The following SHISA6 variants were observed in gnomAD, a reference collection of about 807,000 sequenced individuals.
SHISA6 encodes the protein shisa family member 6.
In SHISA6, 22 loss-of-function variants were observed where a neutral mutation model predicts 47.9. The observed-to-expected ratio is 0.46, with a 90% CI of 0.33 to 0.66. The LOEUF (loss-of-function observed/expected upper bound fraction) is 0.66, where lower values mean the gene tolerates loss of function less well. Among genes scored for constraint, SHISA6 ranks in the 30% least tolerant of loss-of-function variants. The probability of loss-of-function intolerance (pLI) is 0.02; values close to 1 mark genes in which losing one functional copy is unlikely to be tolerated. For synonymous variants in SHISA6, 388 were observed against 337.8 expected (o/e 1.15, Z -1.63); for missense variants, 680 against 764.6 (o/e 0.89, Z 1.30).
chr17:11,298,914 G>T (rs1198858158), intron 2 of SHISA6, among the ~76,000 whole-genome samples: 1 of 152,192 alleles, frequency 6.6e-6, no homozygotes. Flanking sequence ...TGATGTTAGA[G>T]GTAGATTTGT....
chr17:11,363,256 A>G (rs981270642), intron 2 of SHISA6, among the ~76,000 whole-genome samples: 2 of 150,580 alleles, frequency 1.3e-5, no homozygotes, highest in Non-Finnish European at 3.0e-5. Context: ...TATGGGGTCA[A>G]CTCTCCTGGT....
chr17:11,472,653 G>A (rs1275596946), intron 3 of SHISA6, among the ~76,000 whole-genome samples: 1 of 152,200 alleles, frequency 6.6e-6, no homozygotes, highest in East Asian at 1.9e-4. Flanking sequence ...GTTTCTTTGT[G>A]TGGAAATAAG....
At chr17:11,449,429 C>T (rs949204750) in intron 3 of SHISA6, among the ~76,000 whole-genome samples, 1 of 150,256 alleles carries the variant, frequency 6.7e-6, no homozygotes, top group Non-Finnish European at 1.5e-5. Context: ...GGTGACAGAG[C>T]GAGACTCCAT....
At position 11,563,977 on chromosome 17, in the gene SHISA6, C is replaced by G. The variant is rs1259927436; in HGVS notation, c.*5673C>G. On this transcript the variant is annotated 3_prime_UTR_variant, in exon 6 of 6. Transcript: ENST00000441885. ...TCTACATGTACTGTAAACAGATACA[C>G]TTTAGTAAGATTTAGTCTTAAGGAT... is the stretch of plus-strand genomic sequence containing the variant. 6.6e-6 allele frequency: 1 copy of G among 152,180 alleles called. No individual in the cohort carries two copies. The highest frequency in any genetic ancestry group is 1.5e-5 in the Non-Finnish European group (1 of 68,042). The allele number at this position is 152,180 out of a possible 1,614,324, so 9.4% of individuals were successfully genotyped here. A position where few individuals can be genotyped will look rare whatever the true frequency, so the allele number is the denominator to read the frequency against.
chr17:11,495,993 T>TCATC (rs10642001), intron 3 of SHISA6, among the ~76,000 whole-genome samples: 54,308 of 148,704 alleles, frequency 0.37, 10,006 homozygotes, highest in East Asian at 0.59. Context: ...ATTTATCCAT[T>TCATC]CATCCATCCA....
At chr17:11,534,750 A>G (rs1158772239) in intron 3 of SHISA6, among the ~76,000 whole-genome samples, 1 of 152,220 alleles carries the variant, frequency 6.6e-6, no homozygotes, top group Non-Finnish European at 1.5e-5. Flanking sequence ...CCAGGGAGAC[A>G]GAAACAAGAT....
chr17:11,316,787 T>G (rs1910540793), intron 2 of SHISA6, among the ~76,000 whole-genome samples: 1 of 152,248 alleles, frequency 6.6e-6, no homozygotes, highest in South Asian at 2.1e-4. Context: ...TTTAAGTTGA[T>G]AACTTTTCCT....
At chr17:11,523,445 T>C (rs1268023752) in intron 3 of SHISA6, among the ~76,000 whole-genome samples, 3 of 152,054 alleles carry the variant, frequency 2.0e-5, no homozygotes, top group Non-Finnish European at 4.4e-5. Context: ...GCCAGGGAGA[T>C]AGATATGCCT....
intron 2 of SHISA6, among the ~76,000 whole-genome samples, chr17:11,332,321 T>G (rs1404548957): frequency 6.6e-6 from 1 of 152,172 alleles, no homozygotes; most frequent in African/African-American, 2.4e-5. Flanking sequence ...TTTCTGGTTT[T>G]ATAGCAGCTC....
chr17:11,355,596 A>T (rs1912054004), intron 2 of SHISA6, among the ~76,000 whole-genome samples: 1 of 152,196 alleles, frequency 6.6e-6, no homozygotes, highest in South Asian at 2.1e-4. Flanking sequence ...GCAGAACAAA[A>T]CAACTGCCAA....
chr17:11,331,838 G>A (rs1322679022), intron 2 of SHISA6, among the ~76,000 whole-genome samples: 1 of 151,700 alleles, frequency 6.6e-6, no homozygotes, highest in Non-Finnish European at 1.5e-5. Context: ...CTCTAGTCTT[G>A]CTGTCACCTC....
chr17:11,362,597 C>T (rs1912324069), intron 2 of SHISA6, among the ~76,000 whole-genome samples: 1 of 152,196 alleles, frequency 6.6e-6, no homozygotes, highest in African/African-American at 2.4e-5. Context: ...TGCTGAAATC[C>T]TTGCTGCTTA....
chr17:11,278,933 C>T (rs1909026467), intron 2 of SHISA6, among the ~76,000 whole-genome samples: 1 of 152,162 alleles, frequency 6.6e-6, no homozygotes, highest in African/African-American at 2.4e-5. Context: ...GGCAGAGACA[C>T]TGCCAGCCAA....
rs1913569118 is a variant in SHISA6 at position 11,396,233 on chromosome 17, TC to T, written c.895+16727del. On this transcript the variant is annotated intron_variant, in intron 3 of 5. Coordinates refer to ENST00000441885, the MANE Select transcript of SHISA6 (RefSeq NM_207386.4). ...CCTAATCTTGCAGTCTTGGAATAAA[TC>T]CCATGTTGTTTTATTTTCTTAATAT... Among the ~76,000 whole-genome samples, 8 of 152,316 alleles carry T rather than the reference TC, an allele frequency of 5.3e-5. 1 individual carries two copies. The South Asian group carries it at 1.7e-3, about 32-fold the overall frequency.
chr17:11,488,148 T>C (rs1404858914), intron 3 of SHISA6, among the ~76,000 whole-genome samples: 2 of 151,950 alleles, frequency 1.3e-5, no homozygotes, highest in African/African-American at 4.8e-5. Flanking sequence ...AGCCCTCAGC[T>C]GTCGGGACAA....
At chr17:11,297,823 T>C (rs935803711) in intron 2 of SHISA6, among the ~76,000 whole-genome samples, 1 of 152,188 alleles carries the variant, frequency 6.6e-6, no homozygotes, top group African/African-American at 2.4e-5. Context: ...GGGGAGATAT[T>C]GCCCTTCAGC....
chr17:11,350,153 G>A (rs1399057759), intron 2 of SHISA6, among the ~76,000 whole-genome samples: 2 of 136,760 alleles, frequency 1.5e-5, no homozygotes, highest in Non-Finnish European at 3.2e-5. Context: ...CGCCATGCCC[G>A]GCTAATTTAT....
At chr17:11,468,611 C>G (rs2142319680) in intron 3 of SHISA6, among the ~76,000 whole-genome samples, 1 of 152,238 alleles carries the variant, frequency 6.6e-6, no homozygotes, top group African/African-American at 2.4e-5. Flanking sequence ...TAGTCCAAGC[C>G]CGATTCTCAC....
At chr17:11,279,216 C>G (rs1351595134) in intron 2 of SHISA6, among the ~76,000 whole-genome samples, 1 of 152,152 alleles carries the variant, frequency 6.6e-6, no homozygotes, top group Admixed American at 6.5e-5. Flanking sequence ...ACCAGAGAAG[C>G]ACTGTCATCG....
Sources: gnomAD v4.1 joint callset for allele counts (sites outside exome capture counted in the v4.1 genomes callset) on GRCh38, gnomAD v4.1.1 for gene constraint, MANE v1.5 for transcripts, NCBI Gene and HGNC (gene_info 2026-07-23, HGNC 2026-07-21) for gene names.